UBE3D: variants seen among roughly 807,000 people sequenced by gnomAD.
UBE3D encodes E3 ubiquitin-protein ligase E3D.
Under a neutral mutation model 49.6 loss-of-function variants are expected in UBE3D, and 48 were observed. The observed-to-expected ratio is 0.97, with a 90% CI of 0.77 to 1.23. The LOEUF (loss-of-function observed/expected upper bound fraction) is 1.23. UBE3D is among the 50% of genes most tolerant of loss of function. UBE3D has a pLI of 0.00. For missense variants in UBE3D, 452 were observed against 468.4 expected (o/e 0.96, Z 0.32); for synonymous variants, 189 against 174.2 (o/e 1.08, Z -0.67).
intron 8 of UBE3D, among the ~76,000 whole-genome samples, chr6:83,015,799 C>T (rs889702081): frequency 6.6e-6 from 1 of 152,142 alleles, no homozygotes; most frequent in African/African-American, 2.4e-5. Context: ...GGCCTGTTGC[C>T]TCAGGCAGTA....
intron 9 of UBE3D, among the ~76,000 whole-genome samples, chr6:82,937,538 G>A (rs970857358): frequency 6.6e-6 from 1 of 152,184 alleles, no homozygotes; most frequent in Admixed American, 6.5e-5. Context: ...GGGAAAGAAC[G>A]AAGTCCTCTC....
intron 8 of UBE3D, among the ~76,000 whole-genome samples, chr6:82,960,100 ACTCCAATTT>A (rs1301305075): frequency 6.6e-6 from 1 of 152,022 alleles, no homozygotes; most frequent in African/African-American, 2.4e-5. Context: ...GCCTCATGAG[ACTCCAATTT>A]CTCCAAAGTT....
intron 8 of UBE3D, among the ~76,000 whole-genome samples, chr6:83,005,253 G>A (rs1167898525): frequency 6.6e-6 from 1 of 151,496 alleles, no homozygotes; most frequent in Non-Finnish European, 1.5e-5. Context: ...CTAATCAGCA[G>A]AAAAATGCAA....
intron 8 of UBE3D, among the ~76,000 whole-genome samples, chr6:82,964,119 C>T (rs1194508709): frequency 2.0e-5 from 3 of 151,500 alleles, no homozygotes; most frequent in Non-Finnish European, 4.4e-5. Context: ...GACACACCAT[C>T]CTTATTTCTA....
chr6:83,035,198 T>A (rs900012441), intron 5 of UBE3D, among the ~76,000 whole-genome samples: 1 of 143,654 alleles, frequency 7.0e-6, no homozygotes, highest in South Asian at 2.3e-4. Flanking sequence ...AAAAAAAAAA[T>A]CTTTATTGCA....
At chr6:82,909,247 G>A (rs184201295) in intron 9 of UBE3D, among the ~76,000 whole-genome samples, 28 of 152,228 alleles carry the variant, frequency 1.8e-4, no homozygotes, top group South Asian at 1.2e-3. Context: ...TTAGGGTACC[G>A]GTACTATTAA....
At position 83,044,672 on chromosome 6, in the gene UBE3D, G is replaced by A. The variant is rs747386927; in HGVS notation, c.366-13C>T. 3 of 1,588,146 alleles carry A rather than the reference G, an allele frequency of 1.9e-6. No homozygotes were observed. Among genetic ancestry groups the A allele is most frequent in the East Asian group, 2.2e-5 (1 of 44,482 alleles). On this transcript the variant is annotated splice_polypyrimidine_tract_variant and intron_variant, in intron 3 of 9. Coordinates refer to ENST00000369747, the MANE Select transcript of UBE3D (RefSeq NM_198920.3). The stretch of plus-strand genomic sequence containing the variant: ...CCTGAGGAGCTTCCTAGTGGAAAGA[G>A]GAAAAATCATTTTTCACAGAACAAA...
chr6:83,056,617 C>G (rs1783830965), intron 2 of UBE3D, among the ~76,000 whole-genome samples: 1 of 152,188 alleles, frequency 6.6e-6, no homozygotes, highest in Non-Finnish European at 1.5e-5. Context: ...CCAACTCAAA[C>G]TAGTTATTCA....
At chr6:83,018,811 A>T in intron 8 of UBE3D, 162 bp downstream of exon 8, 2 of 750,158 alleles carry the variant, frequency 2.7e-6, no homozygotes, top group Non-Finnish European at 4.1e-6. Flanking sequence ...CATCTGTAAT[A>T]ATTCAACCTA....
chr6:83,058,056 T>C (rs1783929517), intron 1 of UBE3D, 34 bp from the exon 2 acceptor site: 2 of 1,605,556 alleles, frequency 1.2e-6, no homozygotes, highest in East Asian at 4.5e-5. Flanking sequence ...AACAAATTAT[T>C]TCTCACAATG....
chr6:82,934,271 C>T (rs1164689358), intron 9 of UBE3D, among the ~76,000 whole-genome samples: 1 of 152,158 alleles, frequency 6.6e-6, no homozygotes, highest in Non-Finnish European at 1.5e-5. Context: ...TCAATTAAAC[C>T]TCTTTTCTTT....
intron 9 of UBE3D, among the ~76,000 whole-genome samples, chr6:82,911,266 T>G (rs992772099): frequency 6.6e-6 from 1 of 151,220 alleles, no homozygotes; most frequent in Non-Finnish European, 1.5e-5. Flanking sequence ...TCTTTTCATT[T>G]ATTACCTTAA....
At chr6:83,048,622 C>T (rs1783244220) in intron 3 of UBE3D, among the ~76,000 whole-genome samples, 1 of 152,164 alleles carries the variant, frequency 6.6e-6, no homozygotes, top group African/African-American at 2.4e-5. Flanking sequence ...GACCATATAT[C>T]ATGTGAATAA....
chr6:82,960,443 G>A (rs1038516479), intron 8 of UBE3D, among the ~76,000 whole-genome samples: 18 of 151,870 alleles, frequency 1.2e-4, no homozygotes, highest in African/African-American at 4.4e-4. Context: ...AGTTAACTGG[G>A]CCTGAAAGGC....
intron 5 of UBE3D, among the ~76,000 whole-genome samples, chr6:83,032,662 AT>A (rs1002807977): frequency 3.3e-5 from 5 of 152,278 alleles, no homozygotes; most frequent in African/African-American, 1.2e-4. Flanking sequence ...ACAGAATGAT[AT>A]GGTTTGGCTG....
chr6:83,063,412 T>TAAAAAAA (rs201669450), intron 1 of UBE3D, among the ~76,000 whole-genome samples: 15 of 45,486 alleles, frequency 3.3e-4, no homozygotes, highest in African/African-American at 1.1e-3. Context: ...AGACGCTGTC[T>TAAAAAAA]AAAAAAAAAA....
intron 9 of UBE3D, among the ~76,000 whole-genome samples, chr6:82,918,876 G>A: frequency 6.6e-6 from 1 of 151,988 alleles, no homozygotes; most frequent in East Asian, 1.9e-4. Context: ...TTTCTTCCCT[G>A]CTGTATATAT....
intron 8 of UBE3D, among the ~76,000 whole-genome samples, chr6:82,974,835 A>T (rs1021644525): frequency 1.3e-5 from 2 of 152,116 alleles, no homozygotes; most frequent in Non-Finnish European, 2.9e-5. Flanking sequence ...GAATATTAAA[A>T]CACTGTCATC....
chr6:83,031,289 A>G (rs1781850809), intron 5 of UBE3D, among the ~76,000 whole-genome samples: 1 of 152,244 alleles, frequency 6.6e-6, no homozygotes. Flanking sequence ...GATTACAGGC[A>G]TGAGCTACCA....
Sources: gnomAD v4.1 joint callset for allele counts (sites outside exome capture counted in the v4.1 genomes callset) on GRCh38, gnomAD v4.1.1 for gene constraint, MANE v1.5 for transcripts, NCBI Gene and HGNC (gene_info 2026-07-23, HGNC 2026-07-21) for gene names.